Variants in F11R observed in about 807,000 individuals in gnomAD.
The protein encoded by F11R is junctional adhesion molecule A.
A neutral mutation model predicts 39.3 loss-of-function variants in F11R; 27 were observed. That is an observed-to-expected ratio of 0.69 (90% CI 0.51 to 0.95). The LOEUF is 0.95. Among genes scored for constraint, F11R ranks in the 40% least tolerant of loss-of-function variants. The pLI is 0.00. For missense variants in F11R, 335 were observed against 372.7 expected, an observed-to-expected ratio of 0.90 and a Z score of 0.83; for synonymous variants, 131 against 144.9, an observed-to-expected ratio of 0.90 and a Z score of 0.69.
At chr1:161,015,241 T>A (rs1304382309) in intron 1 of F11R, among the ~76,000 whole-genome samples, 26 of 133,996 alleles carry the variant, frequency 1.9e-4, no homozygotes, top group African/African-American at 6.7e-4. Flanking sequence ...CTAAAAAAAA[T>A]ACAAAAAATC....
At position 160,996,796 on chromosome 1, in the gene F11R, C is replaced by T. The variant is rs1648152634; in HGVS notation, c.*2075G>A. On this transcript the variant is annotated 3_prime_UTR_variant, in exon 10 of 10. Coordinates refer to ENST00000368026, the MANE Select transcript of F11R (RefSeq NM_016946.6). The stretch of plus-strand genomic sequence containing the variant: ...AAACAAAACAAAACAAAACAAAAAA[C>T]AACAAACTCATCTTTACTGAACCAT... 6.6e-6 allele frequency: 1 copy of T among 151,502 alleles called. No homozygotes were observed. The highest frequency in any genetic ancestry group is 2.4e-5 in the African/African-American group (1 of 41,430). The allele number at this position is 151,502 out of a possible 1,614,324, so 9.4% of individuals were successfully genotyped here.
rs1451281355 is a variant in F11R, at chr1:161,000,724, C to T, written c.295G>A (p.Val99Met). 5.6e-6 allele frequency: 9 copies of T among 1,614,158 alleles called. No individual in the cohort carries two copies. Among genetic ancestry groups the T allele is most frequent in the South Asian group, 4.4e-5 (4 of 91,074 alleles). ...TATGTCCCAGTGTCTTCCCGTGTCA[C>T]GGACTTGAAGGTGATACCAGTTGGC... ...FLPTGITFKS[V>M]TREDTGTYTC... The change falls in exon 4 of 10, where the codon GTG becomes ATG. Residue 99 changes from valine (V) to methionine (M), a missense_variant. Transcript: ENST00000368026.
intron 1 of F11R, among the ~76,000 whole-genome samples, chr1:161,008,632 C>G (rs1041308829): frequency 6.6e-6 from 1 of 152,134 alleles, no homozygotes; most frequent in Non-Finnish European, 1.5e-5. Flanking sequence ...CTGCAACAGC[C>G]TTTAGAGTTG....
rs1648127005 is a variant in F11R, at chr1:160,996,451, A to G, written c.*2420T>C. ...TCCTACTCTGTCTTCCAACCATGAC[A>G]CAGAACTGAAACATACTTTAAAAAT... On this transcript the variant is annotated 3_prime_UTR_variant, in exon 10 of 10. Coordinates refer to ENST00000368026, the MANE Select transcript of F11R (RefSeq NM_016946.6). 1 of 152,306 alleles carries G rather than the reference A, an allele frequency of 6.6e-6. No individual in the cohort carries two copies. The allele number at this position is 152,306 out of a possible 1,614,324, so 9.4% of individuals were successfully genotyped here.
chr1:161,005,758 A>G (rs1348788551), intron 1 of F11R, among the ~76,000 whole-genome samples: 4 of 152,130 alleles, frequency 2.6e-5, no homozygotes, highest in Admixed American at 1.3e-4. Context: ...AGCTCAAGCA[A>G]TTCTCCTGCC....
rs778775505 is a variant in F11R at position 160,999,719 on chromosome 1, T to G, written c.723A>C (p.Ala241=). Residue 241 remains alanine (A), a synonymous_variant, in exon 7 of 10, where the codon GCA becomes GCC. Coordinates refer to ENST00000368026, the MANE Select transcript of F11R (RefSeq NM_016946.6). ...AVERNVGVIV[A]AVLVTLILLG... ...GGAGAATCAGGGTTACAAGGACGGCTGCCACGATGACCCCCACATTCCGCT... is the reference window on the plus strand; with the variant it reads ...GGAGAATCAGGGTTACAAGGACGGCGGCCACGATGACCCCCACATTCCGCT... 5 of 1,614,120 alleles carry G rather than the reference T, an allele frequency of 3.1e-6. No individual in the cohort carries two copies. Among genetic ancestry groups the G allele is most frequent in the Non-Finnish European group, 4.2e-6 (5 of 1,180,008 alleles).
Position 160,997,345 on chromosome 1 carries a change from C to T in F11R, c.*1526G>A, listed in dbSNP as rs1648186090. The T allele has an allele frequency of 6.6e-6, 1 of 152,352 alleles. No individual in the cohort carries two copies. Among genetic ancestry groups the T allele is most frequent in the Non-Finnish European group, 1.5e-5 (1 of 68,050 alleles). 9.4% of individuals were successfully genotyped at this position (152,352 alleles called of 1,614,324 possible). A position where few individuals can be genotyped will look rare whatever the true frequency, so the allele number is the denominator to read the frequency against. On this transcript the variant is annotated 3_prime_UTR_variant, in exon 10 of 10. Transcript: ENST00000368026. Reference sequence around the variant, plus strand: ...TGCCTCAGCTCTGGGACAGTAGTTCCTACAGCTGTAGGGAGGTCTGTTAAT... The same window carrying T: ...TGCCTCAGCTCTGGGACAGTAGTTCTTACAGCTGTAGGGAGGTCTGTTAAT...
At chr1:161,012,056 G>A (rs1381680158) in intron 1 of F11R, among the ~76,000 whole-genome samples, 2 of 152,070 alleles carry the variant, frequency 1.3e-5, no homozygotes, top group East Asian at 3.9e-4. Context: ...AGTTTCTTGA[G>A]TTCTGCTTGT....
chr1:161,001,233 G>T (rs1253070421), intron 2 of F11R, 52 bp downstream of exon 2: 17 of 1,604,324 alleles, frequency 1.1e-5, no homozygotes, highest in Non-Finnish European at 1.2e-5. Context: ...TAGATCCCCA[G>T]GCGGCCGGCA....
Position 160,999,086 on chromosome 1 carries a change from G to A in F11R, c.821C>T (p.Ser274Leu), listed in dbSNP as rs747284482. Residue 274 changes from serine (S) to leucine (L), a missense_variant, in exon 9 of 10, where the codon TCG (serine) becomes TTG (leucine). Ser to Leu is a moderately radical substitution (Grantham distance 145, BLOSUM62 -2). Transcript: ENST00000368026. Reference protein sequence around the residue: ...GHFDRTKKGTSSKKVIYSQPS... With the variant: ...GHFDRTKKGTLSKKVIYSQPS... ...CTGGCTGTAAATCACCTTCTTACTCGAAGTCCTGTGAACAAGCCAGAAGAC... is the reference window on the plus strand; with the variant it reads ...CTGGCTGTAAATCACCTTCTTACTCAAAGTCCTGTGAACAAGCCAGAAGAC... 1.1e-5 allele frequency: 18 copies of A among 1,614,032 alleles called. No individual in the cohort carries two copies. The African/African-American group carries it at 1.2e-4, about 11-fold the overall frequency.
intron 1 of F11R, among the ~76,000 whole-genome samples, chr1:161,017,111 C>T (rs1406360560): frequency 8.6e-5 from 13 of 152,026 alleles, no homozygotes; most frequent in Non-Finnish European, 2.9e-5. Flanking sequence ...TCTCAAGTAC[C>T]CAGGGACAAA....
chr1:161,010,441 C>CAAAAAAAAAAAAAAAA (rs1248451719), intron 1 of F11R, among the ~76,000 whole-genome samples: 5 of 80,266 alleles, frequency 6.2e-5, no homozygotes, highest in Non-Finnish European at 9.0e-5. Context: ...GAGACTCCAT[C>CAAAAAAAAAAAAAAAA]AAAAAAAAAA....
rs138803658 is a variant in F11R, at chr1:161,000,303, A to G, written c.434T>C (p.Ile145Thr). The G allele has an allele frequency of 5.5e-5, 88 of 1,614,132 alleles. No homozygotes were observed. The highest frequency in any genetic ancestry group is 3.3e-4 in the African/African-American group (25 of 75,024). Residue 145 changes from isoleucine (I) to threonine (T), a missense_variant, in exon 5 of 10, where the codon ATT (isoleucine) becomes ACT (threonine). By Grantham distance (89) the Ile-to-Thr change is moderately conservative (BLOSUM62 -1). Coordinates refer to ENST00000368026, the MANE Select transcript of F11R (RefSeq NM_016946.6). ...PTVNIPSSAT[I>T]GNRAVLTCSE... ...GCATGTCAGCACTGCCCGGTTCCCA[A>G]TGGTGGCAGAGGAGGGGATGTTAAC...
chr1:161,001,437 G>T, intron 1 of F11R, 84 bp from the exon 2 acceptor site: 1 of 1,184,228 alleles, frequency 8.4e-7, no homozygotes, highest in Non-Finnish European at 1.2e-6. Flanking sequence ...AGTGGACAGG[G>T]CTTCTCCATT....
intron 1 of F11R, among the ~76,000 whole-genome samples, chr1:161,015,232 T>C (rs1293245621): frequency 2.1e-5 from 3 of 146,230 alleles, no homozygotes; most frequent in Non-Finnish European, 4.5e-5. Flanking sequence ...CCGTCTCTAC[T>C]AAAAAAAATA....
At chr1:161,011,729 CAAA>C (rs200362096) in intron 1 of F11R, among the ~76,000 whole-genome samples, 2 of 116,306 alleles carry the variant, frequency 1.7e-5, no homozygotes, top group Non-Finnish European at 1.8e-5. Context: ...GATTCCACCT[CAAA>C]AAAAAAAAAA....
chr1:161,015,243 C>CA (rs1383048971), intron 1 of F11R, among the ~76,000 whole-genome samples: 2 of 140,330 alleles, frequency 1.4e-5, no homozygotes, highest in African/African-American at 5.3e-5. Flanking sequence ...AAAAAAAATA[C>CA]AAAAAATCAG....
At chr1:161,005,374 G>T (rs1346219453) in intron 1 of F11R, among the ~76,000 whole-genome samples, 46 of 147,804 alleles carry the variant, frequency 3.1e-4, no homozygotes, top group Non-Finnish European at 1.3e-4. Flanking sequence ...CACCATTATG[G>T]CTTACTGCTT....
Position 160,998,215 on chromosome 1 carries a change from G to C in F11R, c.*656C>G, listed in dbSNP as rs1062826. The C allele has an allele frequency of 0.22, 34,160 of 152,498 alleles. 4,548 individuals are homozygous for C. Among genetic ancestry groups the C allele is most frequent in the Non-Finnish European group, 0.29 (19,669 of 68,196 alleles). The allele number at this position is 152,498 out of a possible 1,614,324, so 9.4% of individuals were successfully genotyped here. On this transcript the variant is annotated 3_prime_UTR_variant, in exon 10 of 10. Transcript: ENST00000368026. ...TAGAGCAGCGGTTTTAAATCCTTTT[G>C]GCTTCAAGTTCTCTGAAAATTTACT...
Sources: gnomAD v4.1 joint callset for allele counts (sites outside exome capture counted in the v4.1 genomes callset) on GRCh38, gnomAD v4.1.1 for gene constraint, MANE v1.5 for transcripts, NCBI Gene and HGNC (gene_info 2026-07-23, HGNC 2026-07-21) for gene names.